The following DICER1 variants were observed in gnomAD, a reference collection of about 807,000 sequenced individuals.
DICER1 encodes dicer 1, ribonuclease III.
A neutral mutation model predicts 194.1 loss-of-function variants in DICER1; 43 were observed. That is an observed-to-expected ratio of 0.22 (90% confidence interval 0.17 to 0.29). DICER1 has a LOEUF of 0.29. Among genes scored for constraint, DICER1 ranks in the 10% least tolerant of loss-of-function variants. DICER1 has a pLI of 1.00. For missense variants in DICER1, 1,608 were observed against 2,317.0 expected, an observed-to-expected ratio of 0.69 and a Z score of 6.28; for synonymous variants, 832 against 820.5, an observed-to-expected ratio of 1.01 and a Z score of -0.24.
rs1446931608 is a variant in DICER1, at chr14:95,096,149, G to A, written c.4771C>T (p.Leu1591Phe). The change falls in exon 23 of 27, where the codon CTC (leucine) becomes TTC (phenylalanine). Residue 1591 changes from leucine (L) to phenylalanine (F), a missense_variant. Transcript: ENST00000343455. ...CGATCAGTCCTTTTAATTACCGGGA[G>A]CACCTTCAGCCCCAGTGAACAGAGG... ...LFLCSLGLKV[L>F]PVIKRTDREK... 1.2e-6 allele frequency: 2 copies of A among 1,614,194 alleles called. No individual in the cohort carries two copies. Among genetic ancestry groups the A allele is most frequent in the Non-Finnish European group, 1.7e-6 (2 of 1,180,032 alleles).
intron 21 of DICER1, among the ~76,000 whole-genome samples, chr14:95,102,268 G>A (rs1259554156): frequency 6.6e-6 from 1 of 152,024 alleles, no homozygotes; most frequent in Non-Finnish European, 1.5e-5. Flanking sequence ...TCTGCTGTTG[G>A]TTTGGATATG....
At chr14:95,150,996 TGA>T (rs1446958730) in intron 1 of DICER1, among the ~76,000 whole-genome samples, 10 of 152,236 alleles carry the variant, frequency 6.6e-5, no homozygotes, top group Non-Finnish European at 1.5e-4. Context: ...CCTAAAGTGC[TGA>T]GATTACAGGA....
At position 95,113,553 on chromosome 14, in the gene DICER1, C is replaced by T. The variant is rs537924157; in HGVS notation, c.1908-329G>A. Among the ~76,000 whole-genome samples the T allele has an allele frequency of 5.0e-4, 76 of 152,142 alleles. 1 individual carries two copies. In the South Asian group the frequency reaches 0.015, roughly 30 times the overall value. On this transcript the variant is annotated intron_variant, in intron 11 of 26. Coordinates refer to ENST00000343455, the MANE Select transcript of DICER1 (RefSeq NM_177438.3). ...AATAGTAACATGTGTCGAGTGTTAC[C>T]ATAATAGAGCACAAAGTATTGTTCA...
rs1060504960 is a variant in DICER1, at chr14:95,126,613, T to G, written c.870A>C (p.Ser290=). The change falls in exon 7 of 27, where the codon TCA becomes TCC. Residue 290 remains serine (S), a synonymous_variant. Coordinates refer to ENST00000343455, the MANE Select transcript of DICER1 (RefSeq NM_177438.3). The part of the protein sequence containing the change: ...FINDCNISVH[S]KERDSTLISK... ...AAATTAAAGTAGAATCTCTTTCTTT[T>G]GAATGTACAGATATATTACAATCAT... The G allele has an allele frequency of 1.3e-6, 2 of 1,551,552 alleles. No individual in the cohort carries two copies. Among genetic ancestry groups the G allele is most frequent in the South Asian group, 2.2e-5 (2 of 89,650 alleles).
chr14:95,129,565 CA>C lies in DICER1; in HGVS notation c.640del (p.Cys214ValfsTer13). 1.2e-6 allele frequency: 2 copies of C among 1,613,730 alleles called. No individual in the cohort carries two copies. The highest frequency in any genetic ancestry group is 1.7e-6 in the Non-Finnish European group (2 of 1,179,850). ...GLTASILNGK[C>X]DPEELEEKIQ... Reference sequence around the variant, plus strand: ...CTTTTCTTCCAATTCCTCTGGATCACATTTCCCATTTAAAATGGAAGCAGTT... The same window carrying C: ...CTTTTCTTCCAATTCCTCTGGATCACTTTCCCATTTAAAATGGAAGCAGTT... On this transcript the variant is annotated frameshift_variant, in exon 6 of 27. Transcript: ENST00000343455. LOFTEE classifies it high-confidence loss of function.
At chr14:95,155,920 C>T (rs531658712) in intron 1 of DICER1, among the ~76,000 whole-genome samples, 1 of 152,266 alleles carries the variant, frequency 6.6e-6, no homozygotes, top group South Asian at 2.1e-4. Context: ...ATAATACACA[C>T]GTGCCACAGG....
rs1555365726 is a variant in DICER1, at chr14:95,089,200, G to GA, written c.*1297_*1298insT. On this transcript the variant is annotated 3_prime_UTR_variant, in exon 27 of 27. Coordinates refer to ENST00000343455, the MANE Select transcript of DICER1 (RefSeq NM_177438.3). ...GAAACTTAGGCAAATGCCTAAAGAA[G>GA]TTTTTTTTTTTTTCCTTTTCCAAAG... 2 of 210,408 alleles carry GA rather than the reference G, an allele frequency of 9.5e-6. No individual in the cohort carries two copies. Among genetic ancestry groups the GA allele is most frequent in the East Asian group, 1.4e-4 (2 of 14,304 alleles). The allele number at this position is 210,408 out of a possible 1,614,324, so 13.0% of individuals were successfully genotyped here.
intron 21 of DICER1, among the ~76,000 whole-genome samples, chr14:95,100,508 G>A (rs1566762475): frequency 6.6e-6 from 1 of 152,216 alleles, no homozygotes; most frequent in South Asian, 2.1e-4. Flanking sequence ...GCCATTTCAA[G>A]ACACTTTTAT....
chr14:95,105,710 T>G lies in DICER1; in HGVS notation c.3061A>C (p.Lys1021Gln). The G allele has an allele frequency of 6.2e-7, 1 of 1,614,122 alleles. No homozygotes were observed. The highest frequency in any genetic ancestry group is 8.5e-7 in the Non-Finnish European group (1 of 1,179,920). Residue 1021 changes from lysine to glutamine, a missense_variant, in exon 19 of 27, where the codon AAA becomes CAA. Lys to Gln is a moderately conservative substitution (Grantham distance 53). This residue lies in a region of DICER1 where 79 missense variants were observed against 176.1 expected (regional missense o/e 0.45). Transcript: ENST00000343455. The surrounding 1 kb of genome is among the most constrained non-coding windows in gnomAD (Gnocchi z 4.9). ...TTCTGCAGACTTTCCCATTTGGCTT[T>G]CCTCTTCTCAGCACTGCTTAAAGGA... ...ALPLSSAEKR[K>Q]AKWESLQNKQ...
chr14:95,111,279 A>C (rs1891930813), intron 14 of DICER1, 38 bp downstream of exon 14: 3 of 1,613,584 alleles, frequency 1.9e-6, no homozygotes, highest in Admixed American at 3.3e-5. Flanking sequence ...ACAAAGTCAG[A>C]AATGCTAGGT....
intron 1 of DICER1, among the ~76,000 whole-genome samples, chr14:95,149,149 A>G (rs1047253368): frequency 6.6e-6 from 1 of 152,182 alleles, no homozygotes; most frequent in Non-Finnish European, 1.5e-5. Flanking sequence ...TACACCAAGA[A>G]AGAGCATCCA....
intron 11 of DICER1, among the ~76,000 whole-genome samples, chr14:95,114,599 G>A (rs1892273296): frequency 6.6e-6 from 1 of 152,130 alleles, no homozygotes; most frequent in Non-Finnish European, 1.5e-5. Flanking sequence ...GAGTCAAACT[G>A]GGAAAAGGAA....
rs1889672550 is a variant in DICER1, at chr14:95,090,271, A to G, written c.*227T>C. Reference sequence around the variant, plus strand: ...TAAACAAAGCAGAAGTGAGGAAAGAAGATAAGATTGTGTTTGCGCAAAAAA... The same window carrying G: ...TAAACAAAGCAGAAGTGAGGAAAGAGGATAAGATTGTGTTTGCGCAAAAAA... On this transcript the variant is annotated 3_prime_UTR_variant, in exon 27 of 27. Transcript: ENST00000343455. The G allele has an allele frequency of 1.7e-6, 1 of 574,962 alleles. No homozygotes were observed. The highest frequency in any genetic ancestry group is 2.1e-5 in the South Asian group (1 of 48,596). The allele number at this position is 574,962 out of a possible 1,614,324, so 35.6% of individuals were successfully genotyped here.
At chr14:95,154,212 A>G (rs551679761) in intron 1 of DICER1, among the ~76,000 whole-genome samples, 156 of 152,308 alleles carry the variant, frequency 1.0e-3, no homozygotes, top group Non-Finnish European at 1.9e-3. Context: ...GGCTTCAGAG[A>G]GATTACAGAT....
At chr14:95,137,006 A>G (rs1894422829) in intron 1 of DICER1, among the ~76,000 whole-genome samples, 1 of 152,180 alleles carries the variant, frequency 6.6e-6, no homozygotes, top group South Asian at 2.1e-4. Context: ...AATCACTATT[A>G]TCACTTCCTG....
chr14:95,110,559 T>C (rs189369731), intron 14 of DICER1, among the ~76,000 whole-genome samples: 14 of 152,208 alleles, frequency 9.2e-5, no homozygotes, highest in Non-Finnish European at 7.4e-5. Context: ...TGAAACAACG[T>C]TGAGCTGCTG....
At position 95,105,377 on chromosome 14, in the gene DICER1, T is replaced by C. The variant is rs1177120007; in HGVS notation, c.3094-131A>G. 11 of 915,220 alleles carry C rather than the reference T, an allele frequency of 1.2e-5. No homozygotes were observed. The allele number at this position is 915,220 out of a possible 1,614,324, so 56.7% of individuals were successfully genotyped here. Reference sequence around the variant, plus strand: ...AAAACTTAATTTTAAAAAATATTTGTAAAAATAATCCTCTAAGGCCAAATG... The same window carrying C: ...AAAACTTAATTTTAAAAAATATTTGCAAAAATAATCCTCTAAGGCCAAATG... On this transcript the variant is annotated intron_variant, in intron 19 of 26. Coordinates refer to ENST00000343455, the MANE Select transcript of DICER1 (RefSeq NM_177438.3). The surrounding 1 kb of genome is among the most constrained non-coding windows in gnomAD (Gnocchi z 4.9).
At chr14:95,100,086 ACCC>A (rs1264976062) in intron 21 of DICER1, 151 bp from the exon 22 acceptor site, 2 of 827,414 alleles carry the variant, frequency 2.4e-6, no homozygotes, top group Non-Finnish European at 3.7e-6. Context: ...CAGTTTTTCT[ACCC>A]ATTCATGTTA....
chr14:95,137,161 GAAGGGGAAGGAA>G (rs1894439296), intron 1 of DICER1, among the ~76,000 whole-genome samples: 1 of 150,276 alleles, frequency 6.7e-6, no homozygotes, highest in Admixed American at 6.6e-5. Context: ...AAAGGAAGAG[GAAGGGGAAGGAA>G]AAGGGGAAGG....
Sources: allele counts gnomAD v4.1 joint callset (sites outside exome capture counted in the v4.1 genomes callset), GRCh38; gene constraint gnomAD v4.1.1; regional missense constraint gnomAD v4.1.1; non-coding constraint Gnocchi (gnomAD v3.1); transcripts MANE v1.5; gene names NCBI Gene and HGNC (gene_info 2026-07-23, HGNC 2026-07-21).